BEND2: variants seen among roughly 807,000 people sequenced by gnomAD.
BEND2 encodes BEN domain containing 2.
In BEND2, 19 loss-of-function variants were observed where a neutral mutation model predicts 43.8. The observed-to-expected ratio is 0.43, with a 90% CI of 0.30 to 0.64. BEND2 has a LOEUF of 0.64. Ranked by LOEUF, BEND2 falls within the 30% of genes least tolerant of loss-of-function variation. The probability of loss-of-function intolerance (pLI) is 0.11; values close to 1 mark genes in which losing one functional copy is unlikely to be tolerated. For synonymous variants in BEND2, 226 were observed against 210.1 expected (o/e 1.08, Z -0.66); for missense variants, 544 against 574.0 (o/e 0.95, Z 0.53).
intron 8 of BEND2, 127 bp from the exon 9 acceptor site, chrX:18,180,777 T>C: frequency 2.0e-6 from 1 of 503,607 alleles, no homozygotes; most frequent in Non-Finnish European, 3.2e-6. Flanking sequence ...CCTACTCTTT[T>C]TTTTTTTCTT....
intron 3 of BEND2, 32 bp from the exon 4 acceptor site, chrX:18,212,712 T>C (rs1925552613): frequency 2.1e-6 from 2 of 931,103 alleles, no homozygotes; most frequent in African/African-American, 1.9e-5. Flanking sequence ...AGTTATTTCA[T>C]ACACTACTCT....
At chrX:18,178,161 G>A (rs997112553) in intron 9 of BEND2, among the ~76,000 whole-genome samples, 5 of 111,988 alleles carry the variant, frequency 4.5e-5, no homozygotes, top group East Asian at 2.8e-4. Context: ...CCATTCCACT[G>A]GGCAAGTGGA....
At chrX:18,183,430 C>T (rs5909164) in intron 8 of BEND2, among the ~76,000 whole-genome samples, 1 of 111,769 alleles carries the variant, frequency 8.9e-6, no homozygotes, top group Non-Finnish European at 1.9e-5. Flanking sequence ...GACACAGCTT[C>T]GGAGCTAGAT....
At chrX:18,213,183 G>T (rs1241095220) in intron 3 of BEND2, among the ~76,000 whole-genome samples, 1 of 111,848 alleles carries the variant, frequency 8.9e-6, no homozygotes, top group Non-Finnish European at 1.9e-5. Flanking sequence ...TTTCAAGTTA[G>T]GATTGCCTTA....
At chrX:18,213,298 A>G (rs1268587791) in intron 3 of BEND2, among the ~76,000 whole-genome samples, 1 of 111,806 alleles carries the variant, frequency 8.9e-6, no homozygotes, top group African/African-American at 3.3e-5. Flanking sequence ...CTACGGAACT[A>G]GAAGAAGACA....
intron 8 of BEND2, among the ~76,000 whole-genome samples, chrX:18,182,606 T>A (rs771756091): frequency 1.3e-4 from 14 of 111,401 alleles, no homozygotes; most frequent in Non-Finnish European, 2.4e-4. Flanking sequence ...CAGGAAAATA[T>A]AATGATCCTC....
intron 12 of BEND2, 100 bp from the exon 13 acceptor site, chrX:18,171,304 G>A: frequency 1.1e-6 from 1 of 933,330 alleles, no homozygotes; most frequent in East Asian, 3.3e-5. Context: ...TCAATTGTTA[G>A]GCTCAAGAAT....
intron 7 of BEND2, among the ~76,000 whole-genome samples, chrX:18,193,133 A>T (rs757004756): frequency 3.6e-5 from 4 of 111,689 alleles, no homozygotes; most frequent in East Asian, 2.8e-4. Context: ...CCTGCCCAAC[A>T]CAGTGAAACC....
intron 7 of BEND2, among the ~76,000 whole-genome samples, chrX:18,192,800 A>T (rs1924814281): frequency 8.9e-6 from 1 of 111,895 alleles, no homozygotes; most frequent in African/African-American, 3.2e-5. Flanking sequence ...CCAGTCAGTC[A>T]GATGACTGTT....
chrX:18,168,997 GCA>G (rs1263537263), intron 13 of BEND2, among the ~76,000 whole-genome samples: 1 of 109,782 alleles, frequency 9.1e-6, no homozygotes, highest in African/African-American at 3.3e-5. Flanking sequence ...GAGTGCAGTG[GCA>G]CACACCTATA....
chrX:18,189,320 C>A (rs754830506), intron 8 of BEND2, among the ~76,000 whole-genome samples: 1 of 110,826 alleles, frequency 9.0e-6, no homozygotes, highest in East Asian at 2.8e-4. Flanking sequence ...CCAGCCTGAG[C>A]AATACAACAA....
intron 6 of BEND2, among the ~76,000 whole-genome samples, chrX:18,196,030 T>C (rs1924937493): frequency 9.0e-6 from 1 of 111,364 alleles, no homozygotes; most frequent in Non-Finnish European, 1.9e-5. Flanking sequence ...CCGGGAGCAG[T>C]GGCTCCACCT....
At position 18,171,212 on chromosome X, in the gene BEND2, C is replaced by A. The variant is rs1602024421; in HGVS notation, c.1982-8G>T. On this transcript the variant is annotated splice_region_variant and splice_polypyrimidine_tract_variant and intron_variant, in intron 12 of 13. Coordinates refer to ENST00000380033, the MANE Select transcript of BEND2 (RefSeq NM_153346.5). The stretch of plus-strand genomic sequence containing the variant: ...ATGGTCTTCCAAAATAGCCTAGAAG[C>A]AAAAAAGAAAGATGTCAATTTTCAT... 3.4e-6 allele frequency: 4 copies of A among 1,182,604 alleles called. No individual in the cohort carries two copies. The Admixed American group carries it at 9.3e-5, about 27-fold the overall frequency.
At chrX:18,199,781 C>G (rs1925080585) in intron 6 of BEND2, among the ~76,000 whole-genome samples, 1 of 110,494 alleles carries the variant, frequency 9.1e-6, no homozygotes, top group African/African-American at 3.3e-5. Flanking sequence ...CATGCAGGAA[C>G]ACTAAAGAAA....
intron 12 of BEND2, among the ~76,000 whole-genome samples, chrX:18,172,171 A>G (rs1923996151): frequency 9.0e-6 from 1 of 110,640 alleles, no homozygotes; most frequent in Non-Finnish European, 1.9e-5. Flanking sequence ...ATATTCTTCA[A>G]CTTAGAACAT....
rs1924450203 is a variant in BEND2, at chrX:18,183,077, A to C, written c.1289-2427T>G. On this transcript the variant is annotated intron_variant, in intron 8 of 13. Transcript: ENST00000380033. ...AAAAAAAAAAAAAAAGAACAACCAG[A>C]CAGAACATCAGCAAGGACAGAGAAG... 2.8e-5 allele frequency among the ~76,000 whole-genome samples: 3 copies of C among 106,308 alleles called. No homozygotes were observed. In the South Asian group the frequency reaches 1.3e-3, roughly 46 times the overall value. The allele number at this position is 106,308 out of a possible 115,157, so 92.3% of individuals were successfully genotyped here.
At chrX:18,220,595 C>T in intron 1 of BEND2, 131 bp downstream of exon 1, 1 of 951,597 alleles carries the variant, frequency 1.1e-6, no homozygotes, top group Non-Finnish European at 1.5e-6. Context: ...AGAGGCCGCC[C>T]CCCGACACGC....
At chrX:18,182,821 A>G (rs1434316248) in intron 8 of BEND2, among the ~76,000 whole-genome samples, 1 of 110,784 alleles carries the variant, frequency 9.0e-6, no homozygotes, top group East Asian at 2.8e-4. Flanking sequence ...TGGGCAGATC[A>G]TCTGGAGATC....
chrX:18,173,903 G>A, intron 12 of BEND2, 127 bp downstream of exon 12: 1 of 562,116 alleles, frequency 1.8e-6, no homozygotes, highest in Non-Finnish European at 2.8e-6. Flanking sequence ...TTCACTTTCT[G>A]ATGAAATTTC....
Sources: gnomAD v4.1 joint callset for allele counts (sites outside exome capture counted in the v4.1 genomes callset) on GRCh38, gnomAD v4.1.1 for gene constraint, MANE v1.5 for transcripts, NCBI Gene and HGNC (gene_info 2026-07-23, HGNC 2026-07-21) for gene names.